Variants in SLC39A10 observed in about 807,000 individuals in gnomAD.
The protein encoded by SLC39A10 is solute carrier family 39 member 10, also known as zinc transporter ZIP10.
A neutral mutation model predicts 65.1 loss-of-function variants in SLC39A10; 13 were observed. The ratio of observed to expected loss-of-function variants is 0.20; its 90% CI spans 0.13 to 0.32. The LOEUF is 0.32. Ranked by LOEUF, SLC39A10 falls within the 10% of genes least tolerant of loss-of-function variation. The pLI, the probability that SLC39A10 is intolerant of heterozygous loss-of-function variation, is 1.00. For synonymous variants in SLC39A10, 321 were observed against 342.2 expected (o/e 0.94, Z 0.68); for missense variants, 831 against 1,018.4 (o/e 0.82, Z 2.50).
chr2:195,667,074 C>G (rs1428036053), intron 1 of SLC39A10, among the ~76,000 whole-genome samples: 1 of 152,134 alleles, frequency 6.6e-6, no homozygotes, highest in African/African-American at 2.4e-5. Context: ...TACTTTAAAT[C>G]AAGGTATAAA....
At chr2:195,725,080 TAAAAA>T (rs201685220) in intron 8 of SLC39A10, among the ~76,000 whole-genome samples, 3 of 149,864 alleles carry the variant, frequency 2.0e-5, no homozygotes, top group Admixed American at 6.6e-5. Context: ...TACATGCAAT[TAAAAA>T]AAAAGGAAGA....
intron 1 of SLC39A10, among the ~76,000 whole-genome samples, chr2:195,677,673 A>G (rs757260823): frequency 7.3e-5 from 11 of 150,322 alleles, no homozygotes; most frequent in Non-Finnish European, 1.6e-4. Context: ...CTGTAATTTC[A>G]TTTTTATTCC....
At chr2:195,632,019 G>A (rs938774661) in intron 2 of SLC39A10, among the ~76,000 whole-genome samples, 21 of 152,130 alleles carry the variant, frequency 1.4e-4, no homozygotes, top group African/African-American at 5.1e-4. Context: ...CTTCTGAGTA[G>A]CTGGGACTAC....
At chr2:195,667,240 G>A (rs754208653) in intron 1 of SLC39A10, among the ~76,000 whole-genome samples, 4 of 148,218 alleles carry the variant, frequency 2.7e-5, no homozygotes, top group East Asian at 3.8e-4. Context: ...AGTTGCAGTG[G>A]CATTCCAAAC....
chr2:195,629,350 C>A (rs945168736), intron 2 of SLC39A10, among the ~76,000 whole-genome samples: 11 of 149,174 alleles, frequency 7.4e-5, no homozygotes, highest in Admixed American at 2.0e-4. Context: ...GCCGAGATCA[C>A]ACCACTGCAC....
At chr2:195,622,455 A>G (rs994416922) in intron 2 of SLC39A10, among the ~76,000 whole-genome samples, 18 of 152,222 alleles carry the variant, frequency 1.2e-4, no homozygotes, top group African/African-American at 4.1e-4. Context: ...AGATTTCAAC[A>G]TTCCCGGAAG....
At position 195,736,099 on chromosome 2, in the gene SLC39A10, TAGAACA is replaced by T. The variant is rs1236537759; in HGVS notation, c.*1059_*1064del. On this transcript the variant is annotated 3_prime_UTR_variant, in exon 10 of 10. Coordinates refer to ENST00000359634, the MANE Select transcript of SLC39A10 (RefSeq NM_020342.3). Reference sequence around the variant, plus strand: ...GTAATGTGTACATGAAGTGTCAATTTAGAACAGTTACTAGGATAAACTCCATTATTG... The same window carrying T: ...GTAATGTGTACATGAAGTGTCAATTTGTTACTAGGATAAACTCCATTATTG... 1.3e-5 allele frequency: 2 copies of T among 152,588 alleles called. No individual in the cohort carries two copies. The highest frequency in any genetic ancestry group is 2.9e-5 in the Non-Finnish European group (2 of 68,024). 9.5% of individuals were successfully genotyped at this position (152,588 alleles called of 1,614,324 possible).
At chr2:195,701,318 T>G (rs185617414) in intron 3 of SLC39A10, among the ~76,000 whole-genome samples, 1 of 148,430 alleles carries the variant, frequency 6.7e-6, no homozygotes, top group East Asian at 2.0e-4. Flanking sequence ...TCCATTTTGT[T>G]TATACATTAT....
intron 1 of SLC39A10, among the ~76,000 whole-genome samples, chr2:195,669,089 A>G (rs1297397033): frequency 6.6e-6 from 1 of 151,782 alleles, no homozygotes; most frequent in Non-Finnish European, 1.5e-5. Flanking sequence ...AAAAAAAAAA[A>G]AATTACTAAG....
intron 3 of SLC39A10, among the ~76,000 whole-genome samples, chr2:195,698,352 A>G (rs749650010): frequency 2.6e-5 from 4 of 152,148 alleles, no homozygotes; most frequent in Non-Finnish European, 5.9e-5. Context: ...AACTTCCAGT[A>G]CTATATTGAA....
intron 1 of SLC39A10, among the ~76,000 whole-genome samples, chr2:195,662,086 A>G (rs983687083): frequency 6.6e-6 from 1 of 152,216 alleles, no homozygotes; most frequent in African/African-American, 2.4e-5. Flanking sequence ...ATGTACTTCC[A>G]TAGGACGAGA....
At chr2:195,635,707 A>AC (rs1282615531) in intron 2 of SLC39A10, among the ~76,000 whole-genome samples, 1 of 20,994 alleles carries the variant, frequency 4.8e-5, no homozygotes, top group Non-Finnish European at 7.6e-5. Flanking sequence ...AACCCCCCCC[A>AC]CTTTTTTTTT....
intron 3 of SLC39A10, among the ~76,000 whole-genome samples, chr2:195,686,889 A>G (rs1690546222): frequency 6.6e-6 from 1 of 152,228 alleles, no homozygotes; most frequent in Non-Finnish European, 1.5e-5. Flanking sequence ...AGTGGCAGAG[A>G]AATGAGGCCA....
At chr2:195,690,169 C>G (rs10191441) in intron 3 of SLC39A10, among the ~76,000 whole-genome samples, 1 of 68,220 alleles carries the variant, frequency 1.5e-5, no homozygotes. Context: ...GAGTGAGACT[C>G]TCTGAAAAAA....
chr2:195,676,273 T>C (rs1690085676), intron 1 of SLC39A10, among the ~76,000 whole-genome samples: 1 of 151,504 alleles, frequency 6.6e-6, no homozygotes, highest in Non-Finnish European at 1.5e-5. Flanking sequence ...CACTGCAACC[T>C]CCACCTCCCG....
chr2:195,626,034 T>C (rs187862567), intron 2 of SLC39A10, among the ~76,000 whole-genome samples: 4 of 152,322 alleles, frequency 2.6e-5, no homozygotes, highest in South Asian at 2.1e-4. Context: ...TCTGCCCTCC[T>C]TGGACTCCCG....
rs894685553 is a variant in SLC39A10 at position 195,680,962 on chromosome 2, A to G, written c.920A>G (p.His307Arg). Residue 307 changes from histidine (H) to arginine (R), a missense_variant, in exon 2 of 10, where the codon CAT becomes CGT. By Grantham distance (29) the His-to-Arg change is conservative. This residue lies in a region of SLC39A10 where 446 missense variants were observed against 499.2 expected (regional missense o/e 0.89). Coordinates refer to ENST00000359634, the MANE Select transcript of SLC39A10 (RefSeq NM_020342.3). ...LDPDNEGELR[H>R]TRKREAPHVK... ...CCTGATAATGAAGGTGAACTTCGAC[A>G]TACTAGAAAGAGAGAAGCACCACAT... is the stretch of plus-strand genomic sequence containing the variant. 5.0e-6 allele frequency: 8 copies of G among 1,614,174 alleles called. No homozygotes were observed. The highest frequency in any genetic ancestry group is 1.7e-5 in the Admixed American group (1 of 60,030).
intron 1 of SLC39A10, among the ~76,000 whole-genome samples, chr2:195,675,862 C>A (rs1466442227): frequency 6.6e-6 from 1 of 151,938 alleles, no homozygotes; most frequent in African/African-American, 2.4e-5. Flanking sequence ...ATGGCTGTAC[C>A]AATATATACT....
intron 8 of SLC39A10, among the ~76,000 whole-genome samples, chr2:195,725,859 T>C (rs1692216177): frequency 6.6e-6 from 1 of 152,194 alleles, no homozygotes; most frequent in East Asian, 1.9e-4. Context: ...CTTGAAAGAC[T>C]ACATACTGTG....
Sources: allele counts gnomAD v4.1 joint callset (sites outside exome capture counted in the v4.1 genomes callset), GRCh38; gene constraint gnomAD v4.1.1; regional missense constraint gnomAD v4.1.1; transcripts MANE v1.5; gene names NCBI Gene and HGNC (gene_info 2026-07-23, HGNC 2026-07-21).